The following NEDD4L variants were observed in gnomAD, a reference collection of about 807,000 sequenced individuals.
The protein encoded by NEDD4L is E3 ubiquitin-protein ligase NEDD4-like.
Under a neutral mutation model 148.9 loss-of-function variants are expected in NEDD4L, and 54 were observed. The ratio of observed to expected loss-of-function variants is 0.36; its 90% confidence interval spans 0.29 to 0.45. NEDD4L has a LOEUF of 0.45. NEDD4L is among the 20% of genes least tolerant of loss of function. The probability of loss-of-function intolerance (pLI) is 1.00; values close to 1 mark genes in which losing one functional copy is unlikely to be tolerated. For synonymous variants in NEDD4L, 433 were observed against 440.7 expected (o/e 0.98, Z 0.22); for missense variants, 856 against 1,233.8 (o/e 0.69, Z 4.59).
At chr18:58,381,947 A>G (rs888426600) in intron 24 of NEDD4L, among the ~76,000 whole-genome samples, 1 of 152,186 alleles carries the variant, frequency 6.6e-6, no homozygotes, top group African/African-American at 2.4e-5. Context: ...GCAGCTAGAA[A>G]GGGAAATGGA....
At chr18:58,147,469 C>T (rs2034214703) in intron 1 of NEDD4L, among the ~76,000 whole-genome samples, 1 of 152,194 alleles carries the variant, frequency 6.6e-6, no homozygotes, top group African/African-American at 2.4e-5. Flanking sequence ...TGTATTTTGT[C>T]TAGCCTCTGC....
At chr18:58,283,943 G>A (rs1006724949) in intron 5 of NEDD4L, among the ~76,000 whole-genome samples, 2 of 152,170 alleles carry the variant, frequency 1.3e-5, no homozygotes, top group African/African-American at 2.4e-5. Context: ...TGCACACTGG[G>A]AGAATGCCAT....
chr18:58,313,269 A>G (rs1601084313), intron 5 of NEDD4L, among the ~76,000 whole-genome samples: 3 of 152,112 alleles, frequency 2.0e-5, no homozygotes, highest in Admixed American at 1.3e-4. Flanking sequence ...GTTTTAAAAC[A>G]TTTTTTTAAC....
chr18:58,321,810 G>T (rs2058802014), intron 6 of NEDD4L, among the ~76,000 whole-genome samples: 1 of 152,100 alleles, frequency 6.6e-6, no homozygotes, highest in Non-Finnish European at 1.5e-5. Context: ...TCCTGCTTTG[G>T]TAGGAACTTC....
At chr18:58,251,561 C>G (rs895322245) in intron 4 of NEDD4L, among the ~76,000 whole-genome samples, 3 of 151,290 alleles carry the variant, frequency 2.0e-5, no homozygotes, top group East Asian at 1.9e-4. Context: ...GTGTGTGTCT[C>G]TCTCTACACA....
intron 23 of NEDD4L, among the ~76,000 whole-genome samples, chr18:58,371,044 T>A (rs1319446808): frequency 1.3e-5 from 2 of 151,958 alleles, no homozygotes; most frequent in African/African-American, 4.8e-5. Flanking sequence ...ATTTTTTTTT[T>A]ATTTTTTTTA....
At position 58,165,911 on chromosome 18, in the gene NEDD4L, C is replaced by A. The variant is rs370602730; in HGVS notation, c.122+50C>A. 48 of 1,469,822 alleles carry A rather than the reference C, an allele frequency of 3.3e-5. No individual in the cohort carries two copies. In the African/African-American group the frequency reaches 6.4e-4, roughly 20 times the overall value. The allele number at this position is 1,469,822 out of a possible 1,614,324, so 91.0% of individuals were successfully genotyped here. On this transcript the variant is annotated intron_variant, in intron 2 of 30. Transcript: ENST00000400345. The stretch of plus-strand genomic sequence containing the variant: ...TGTGGACTTCTGAAAAATTGACAAG[C>A]AGTTTTCAAATTCAGGCACGCATCA...
intron 2 of NEDD4L, 137 bp from the exon 3 acceptor site, chr18:58,245,290 A>G (rs2047124115): frequency 5.9e-6 from 3 of 506,498 alleles, no homozygotes; most frequent in African/African-American, 5.8e-5. Context: ...TAGATATGTT[A>G]AAAAGGTTAT....
chr18:58,282,573 A>G (rs1188998728), intron 5 of NEDD4L, among the ~76,000 whole-genome samples: 1 of 152,230 alleles, frequency 6.6e-6, no homozygotes, highest in Non-Finnish European at 1.5e-5. Flanking sequence ...ATTTTGGCTT[A>G]TGTCAGTGAA....
At chr18:58,231,455 A>G (rs938047646) in intron 2 of NEDD4L, among the ~76,000 whole-genome samples, 7 of 152,034 alleles carry the variant, frequency 4.6e-5, no homozygotes, top group Admixed American at 4.6e-4. Flanking sequence ...ATGGGGGGAA[A>G]GCATGAAGGA....
intron 2 of NEDD4L, chr18:58,221,875 C>T: frequency 6.7e-6 from 2 of 300,264 alleles, no homozygotes; most frequent in Non-Finnish European, 9.8e-6. Flanking sequence ...CTAGCATGTA[C>T]CAAGATTTTC....
chr18:58,389,389 C>G, intron 28 of NEDD4L, 197 bp downstream of exon 28: 1 of 491,216 alleles, frequency 2.0e-6, no homozygotes, highest in Non-Finnish European at 3.7e-6. Flanking sequence ...TAGCAGACAG[C>G]TAGACTTGAA....
chr18:58,393,574 C>T lies in NEDD4L; in HGVS notation c.2825+2015C>T, dbSNP rs150975619. The stretch of plus-strand genomic sequence containing the variant: ...ATGTTCTCCCCAGACTAACTTGACC[C>T]GGATGGAGAGGACTGGCAGTTGCAA... On this transcript the variant is annotated intron_variant, in intron 30 of 30. Coordinates refer to ENST00000400345, the MANE Select transcript of NEDD4L (RefSeq NM_001144967.3). Among the ~76,000 whole-genome samples, 878 of 152,256 alleles carry T rather than the reference C, an allele frequency of 5.8e-3. 3 individuals are homozygous for T. The highest frequency in any genetic ancestry group is 9.0e-3 in the Non-Finnish European group (611 of 68,006).
chr18:58,142,257 C>T (rs947689233), intron 1 of NEDD4L, among the ~76,000 whole-genome samples: 1 of 151,586 alleles, frequency 6.6e-6, no homozygotes, highest in Admixed American at 6.6e-5. Context: ...ACTGTGTTAG[C>T]CCGTACGGTC....
At chr18:58,336,536 C>G (rs982895292) in intron 13 of NEDD4L, among the ~76,000 whole-genome samples, 3 of 151,520 alleles carry the variant, frequency 2.0e-5, no homozygotes, top group Non-Finnish European at 2.9e-5. Flanking sequence ...GAGATCGCAC[C>G]ACTGCTCTCC....
At chr18:58,373,604 C>T (rs1283641846) in intron 24 of NEDD4L, among the ~76,000 whole-genome samples, 2 of 152,150 alleles carry the variant, frequency 1.3e-5, no homozygotes, top group Non-Finnish European at 2.9e-5. Flanking sequence ...GTTGACTTAG[C>T]GATGTAAATA....
chr18:58,310,923 A>G (rs1374426453), intron 5 of NEDD4L, among the ~76,000 whole-genome samples: 52 of 152,306 alleles, frequency 3.4e-4, no homozygotes, highest in Non-Finnish European at 5.9e-5. Context: ...AGATCTGATC[A>G]TATGCTGTCT....
chr18:58,400,026 C>G lies in NEDD4L; in HGVS notation c.*3757C>G, dbSNP rs1458572684. The G allele has an allele frequency of 6.6e-6, 1 of 152,240 alleles. No homozygotes were observed. The highest frequency in any genetic ancestry group is 1.5e-5 in the Non-Finnish European group (1 of 68,094). The allele number at this position is 152,240 out of a possible 1,614,324, so 9.4% of individuals were successfully genotyped here. On this transcript the variant is annotated 3_prime_UTR_variant, in exon 31 of 31. Transcript: ENST00000400345. ...GAAATTTAAAAACGTATAAAGAGAG[C>G]CTGGGTTAATCAGTTCTGCAGCCCC...
At chr18:58,121,281 A>C (rs957255779) in intron 1 of NEDD4L, among the ~76,000 whole-genome samples, 2 of 152,100 alleles carry the variant, frequency 1.3e-5, no homozygotes, top group African/African-American at 4.8e-5. Flanking sequence ...TGTTGGAGCA[A>C]ATTACTCTTT....
Sources: gnomAD v4.1 joint callset for allele counts (sites outside exome capture counted in the v4.1 genomes callset) on GRCh38, gnomAD v4.1.1 for gene constraint, MANE v1.5 for transcripts, NCBI Gene and HGNC (gene_info 2026-07-23, HGNC 2026-07-21) for gene names.